Variants in SLC39A11 observed in about 807,000 individuals in gnomAD.
The protein encoded by SLC39A11 is solute carrier family 39 member 11, also known as zinc transporter ZIP11.
In SLC39A11, 33 loss-of-function variants were observed where a neutral mutation model predicts 36.1. The observed-to-expected ratio is 0.91, with a 90% CI of 0.69 to 1.22. The LOEUF (loss-of-function observed/expected upper bound fraction) is 1.22, where lower values mean the gene tolerates loss of function less well. Among genes scored for constraint, SLC39A11 ranks in the 50% most tolerant of loss-of-function variants. The pLI is 0.00. For missense variants in SLC39A11, 432 were observed against 430.3 expected (o/e 1.00, Z -0.03); for synonymous variants, 166 against 170.3 (o/e 0.97, Z 0.20).
At chr17:73,044,484 G>A (rs1049193612) in intron 3 of SLC39A11, among the ~76,000 whole-genome samples, 1 of 152,178 alleles carries the variant, frequency 6.6e-6, no homozygotes, top group African/African-American at 2.4e-5. Context: ...TAAGCACAAG[G>A]GTATGCAAAA....
intron 6 of SLC39A11, among the ~76,000 whole-genome samples, chr17:72,741,792 A>C (rs2567474): frequency 0.83 from 125,708 of 151,976 alleles, 52,778 homozygotes; most frequent in African/African-American, 0.89. Flanking sequence ...TTCATTACTC[A>C]AGGAATATAT....
intron 4 of SLC39A11, among the ~76,000 whole-genome samples, chr17:72,972,744 T>C (rs970576191): frequency 6.6e-6 from 1 of 152,174 alleles, no homozygotes; most frequent in African/African-American, 2.4e-5. Context: ...CAGCCCTCAC[T>C]AGGCCTCTTG....
chr17:72,831,720 C>T (rs999978007), intron 6 of SLC39A11, among the ~76,000 whole-genome samples: 2 of 152,194 alleles, frequency 1.3e-5, no homozygotes, highest in African/African-American at 4.8e-5. Flanking sequence ...AGCCCATCAA[C>T]AAAACAGATC....
chr17:72,961,488 C>G (rs2086604257), intron 4 of SLC39A11, among the ~76,000 whole-genome samples: 1 of 152,100 alleles, frequency 6.6e-6, no homozygotes, highest in African/African-American at 2.4e-5. Context: ...GGAACCAACC[C>G]AAATGTCCAT....
intron 5 of SLC39A11, among the ~76,000 whole-genome samples, chr17:72,946,326 G>A (rs1363160283): frequency 6.6e-6 from 1 of 152,222 alleles, no homozygotes; most frequent in Non-Finnish European, 1.5e-5. Flanking sequence ...GTAGGAAGTT[G>A]TGGGCGGCAG....
chr17:73,010,654 G>C (rs56964679), intron 4 of SLC39A11, among the ~76,000 whole-genome samples: 9,097 of 152,248 alleles, frequency 0.06, 324 homozygotes, highest in Middle Eastern at 0.088. Flanking sequence ...AAAAATGCTT[G>C]TAGTAAATGG....
chr17:73,075,815 T>C (rs938809970), intron 3 of SLC39A11, among the ~76,000 whole-genome samples: 1 of 151,906 alleles, frequency 6.6e-6, no homozygotes, highest in African/African-American at 2.4e-5. Flanking sequence ...ATCACGCCAC[T>C]GTACTCTAGC....
chr17:72,965,403 G>C (rs989488643), intron 4 of SLC39A11, among the ~76,000 whole-genome samples: 7 of 152,286 alleles, frequency 4.6e-5, no homozygotes, highest in African/African-American at 1.4e-4. Context: ...CGGTGCAAAA[G>C]TGATATGCAT....
At chr17:72,754,041 T>TACAC (rs1241544622) in intron 6 of SLC39A11, among the ~76,000 whole-genome samples, 39 of 54,536 alleles carry the variant, frequency 7.2e-4, no homozygotes, top group Non-Finnish European at 8.1e-4. Flanking sequence ...TATATATATA[T>TACAC]ATATACACAT....
chr17:72,736,357 G>GTTTTGTCA (rs1249666460), intron 7 of SLC39A11, among the ~76,000 whole-genome samples: 10 of 152,272 alleles, frequency 6.6e-5, no homozygotes, highest in Admixed American at 2.6e-4. Flanking sequence ...TTTGTTTTTT[G>GTTTTGTCA]TCATTAGTCT....
intron 6 of SLC39A11, among the ~76,000 whole-genome samples, chr17:72,822,257 T>TAG (rs201373790): frequency 6.8e-6 from 1 of 147,046 alleles, no homozygotes; most frequent in South Asian, 2.1e-4. Context: ...TATATATATA[T>TAG]AGAGAGAGAG....
chr17:72,733,828 C>G (rs2074322420), intron 7 of SLC39A11, among the ~76,000 whole-genome samples: 3 of 152,042 alleles, frequency 2.0e-5, no homozygotes, highest in Admixed American at 2.0e-4. Flanking sequence ...AGGCAAGATA[C>G]TGCCTTGGTG....
chr17:72,719,615 G>C (rs943999172), intron 7 of SLC39A11, among the ~76,000 whole-genome samples: 1 of 152,220 alleles, frequency 6.6e-6, no homozygotes, highest in Admixed American at 6.5e-5. Context: ...GCAGCAGTGG[G>C]AACGGAGAAG....
intron 7 of SLC39A11, among the ~76,000 whole-genome samples, chr17:72,729,422 TATATATATATA>T (rs2074078361): frequency 7.7e-4 from 2 of 2,608 alleles, no homozygotes; most frequent in Non-Finnish European, 1.4e-3. Flanking sequence ...TATATATATA[TATATATATATA>T]TATATATATA....
At chr17:72,931,435 T>C (rs1231178566) in intron 5 of SLC39A11, among the ~76,000 whole-genome samples, 2 of 152,206 alleles carry the variant, frequency 1.3e-5, no homozygotes, top group African/African-American at 4.8e-5. Context: ...TGTTCACCTG[T>C]GGGACTGTGC....
intron 7 of SLC39A11, among the ~76,000 whole-genome samples, chr17:72,729,656 T>C (rs1278815492): frequency 6.7e-6 from 1 of 150,086 alleles, no homozygotes; most frequent in Non-Finnish European, 1.5e-5. Flanking sequence ...CTCAGTCATA[T>C]CGGTTTGTCC....
rs193229043 is a variant in SLC39A11, at chr17:72,735,858, A to G, written c.671+792T>C. ...CTGTGACCTTACCTATGCCCTGTTTATTTCCAGGCAGGTAGAAGAGCAAAG... is the reference window on the plus strand; with the variant it reads ...CTGTGACCTTACCTATGCCCTGTTTGTTTCCAGGCAGGTAGAAGAGCAAAG... On this transcript the variant is annotated intron_variant, in intron 7 of 9. Coordinates refer to ENST00000255559, the MANE Select transcript of SLC39A11 (RefSeq NM_139177.4). 3.7e-4 allele frequency among the ~76,000 whole-genome samples: 56 copies of G among 152,258 alleles called. 1 individual carries two copies. In the East Asian group the frequency reaches 9.3e-3, roughly 25 times the overall value.
At chr17:72,867,760 GCACACACACACACACACACACACA>G (rs887444124) in intron 5 of SLC39A11, among the ~76,000 whole-genome samples, 1 of 80,486 alleles carries the variant, frequency 1.2e-5, no homozygotes, top group Admixed American at 1.2e-4. Flanking sequence ...AAGTGCGCGC[GCACACACACACACACACACACACA>G]CACACGCACA....
intron 4 of SLC39A11, among the ~76,000 whole-genome samples, chr17:72,959,228 G>A (rs2086439332): frequency 6.6e-6 from 1 of 150,454 alleles, no homozygotes; most frequent in South Asian, 2.1e-4. Flanking sequence ...CATGTTTGTA[G>A]CAGCACAATT....
Sources: allele counts gnomAD v4.1 joint callset (sites outside exome capture counted in the v4.1 genomes callset), GRCh38; gene constraint gnomAD v4.1.1; transcripts MANE v1.5; gene names NCBI Gene and HGNC (gene_info 2026-07-23, HGNC 2026-07-21).